The following NAPG variants were observed in gnomAD, a reference collection of about 807,000 sequenced individuals.
NAPG encodes the protein NSF attachment protein gamma.
NAPG carries 25 observed loss-of-function variants against 48.4 expected under a neutral mutation model. That is an observed-to-expected ratio of 0.52 (90% CI 0.38 to 0.72). NAPG has a LOEUF of 0.72. NAPG is among the 30% of genes least tolerant of loss of function. NAPG has a pLI of 0.00. For synonymous variants in NAPG, 139 were observed against 127.2 expected (o/e 1.09, Z -0.62); for missense variants, 359 against 372.5 (o/e 0.96, Z 0.30).
intron 2 of NAPG, among the ~76,000 whole-genome samples, chr18:10,531,387 G>A (rs1164762576): frequency 6.6e-6 from 1 of 152,028 alleles, no homozygotes; most frequent in African/African-American, 2.4e-5. Flanking sequence ...GCAACAGAAA[G>A]GGAATTTACT....
intron 5 of NAPG, among the ~76,000 whole-genome samples, chr18:10,535,804 G>T (rs1165827804): frequency 6.6e-6 from 1 of 152,178 alleles, no homozygotes; most frequent in Non-Finnish European, 1.5e-5. Flanking sequence ...AAATTATGAT[G>T]CTTCCTTATT....
At chr18:10,529,771 A>G (rs552596492) in intron 1 of NAPG, among the ~76,000 whole-genome samples, 96 of 152,242 alleles carry the variant, frequency 6.3e-4, no homozygotes, top group African/African-American at 2.3e-3. Flanking sequence ...AAAAGAAGCT[A>G]TGACTTTGTG....
chr18:10,526,238 G>C, intron 1 of NAPG, 80 bp downstream of exon 1: 1 of 858,066 alleles, frequency 1.2e-6, no homozygotes, highest in Non-Finnish European at 1.9e-6. Context: ...CCCGGGGGGG[G>C]CGGGAGGGAG....
chr18:10,536,974 T>TTTTTA (rs1208705887), intron 5 of NAPG, among the ~76,000 whole-genome samples: 1 of 151,724 alleles, frequency 6.6e-6, no homozygotes, highest in South Asian at 2.1e-4. Context: ...TTTTTTTTTT[T>TTTTTA]GAGACAGGAT....
intron 1 of NAPG, among the ~76,000 whole-genome samples, chr18:10,529,425 C>G (rs1376444064): frequency 1.3e-5 from 2 of 152,120 alleles, no homozygotes; most frequent in East Asian, 3.8e-4. Context: ...GTTTTAGATG[C>G]TAAATATGTT....
At chr18:10,547,177 T>C (rs2032286503) in intron 9 of NAPG, among the ~76,000 whole-genome samples, 1 of 152,242 alleles carries the variant, frequency 6.6e-6, no homozygotes, top group South Asian at 2.1e-4. Flanking sequence ...GAAGGGCTTA[T>C]GCATGGAACA....
At chr18:10,535,952 G>C (rs2032023257) in intron 5 of NAPG, among the ~76,000 whole-genome samples, 1 of 152,146 alleles carries the variant, frequency 6.6e-6, no homozygotes, top group South Asian at 2.1e-4. Context: ...AAAGAAGCTG[G>C]GGATCTGCTC....
rs962631440 is a variant in NAPG at position 10,544,892 on chromosome 18, T to C, written c.507-1434T>C. ...GAGTGTCATTTTATAAGGCACTAAG[T>C]TGCCAGCGTGCATCCCATAAAGATT... is the stretch of plus-strand genomic sequence containing the variant. On this transcript the variant is annotated intron_variant, in intron 8 of 11. Transcript: ENST00000322897. This position sits in a 1 kb window ranked among gnomAD's most constrained non-coding sequence, Gnocchi z 5.1. Among the ~76,000 whole-genome samples, 1 of 152,220 alleles carries C rather than the reference T, an allele frequency of 6.6e-6. No homozygotes were observed. The highest frequency in any genetic ancestry group is 1.5e-5 in the Non-Finnish European group (1 of 68,036).
chr18:10,543,458 A>C lies in NAPG; in HGVS notation c.507-2868A>C, dbSNP rs1488967465. Among the ~76,000 whole-genome samples, 2 of 152,240 alleles carry C rather than the reference A, an allele frequency of 1.3e-5. No individual in the cohort carries two copies. Among genetic ancestry groups the C allele is most frequent in the East Asian group, 3.9e-4 (2 of 5,192 alleles). On this transcript the variant is annotated intron_variant, in intron 8 of 11. Coordinates refer to ENST00000322897, the MANE Select transcript of NAPG (RefSeq NM_003826.3). The surrounding 1 kb of genome is among the most constrained non-coding windows in gnomAD (Gnocchi z 4.4). ...GCCATCAATAACTGAGATAAGGAAT[A>C]TAGAAACAAACTTATCAGTGATGAT...
Position 10,552,581 on chromosome 18 carries a change from A to G in NAPG, c.*2361A>G, listed in dbSNP as rs955615138. ...ACATTGTAAGTGAAGTCCAGCTACA[A>G]AATAGATTTAATATATTGAATTTAT... On this transcript the variant is annotated 3_prime_UTR_variant, in exon 12 of 12. Transcript: ENST00000322897. 59 of 152,360 alleles carry G rather than the reference A, an allele frequency of 3.9e-4. No individual in the cohort carries two copies. The highest frequency in any genetic ancestry group is 1.4e-3 in the African/African-American group (59 of 41,586). 9.4% of individuals were successfully genotyped at this position (152,360 alleles called of 1,614,324 possible). A position where few individuals can be genotyped will look rare whatever the true frequency, so the allele number is the denominator to read the frequency against.
chr18:10,545,557 G>A (rs1163371640), intron 8 of NAPG, among the ~76,000 whole-genome samples: 1 of 152,104 alleles, frequency 6.6e-6, no homozygotes, highest in East Asian at 1.9e-4. Context: ...TCAGTCTCAA[G>A]TTGTACTACT....
chr18:10,540,159 C>T, intron 7 of NAPG, 105 bp downstream of exon 7: 1 of 1,094,666 alleles, frequency 9.1e-7, no homozygotes. Flanking sequence ...CTTTTCCCTG[C>T]TCACAGTTGC....
At chr18:10,529,544 A>G (rs917521038) in intron 1 of NAPG, among the ~76,000 whole-genome samples, 11 of 152,304 alleles carry the variant, frequency 7.2e-5, no homozygotes, top group African/African-American at 2.6e-4. Context: ...ACTTGAGGCC[A>G]GGAGTTCGAG....
Position 10,548,509 on chromosome 18 carries a change from A to G in NAPG, c.665+131A>G. ...TAAATCTTAGGAGTGCTCATCTACCATTTCATCTTTTACAGTGGGTGTTTT... is the reference window on the plus strand; with the variant it reads ...TAAATCTTAGGAGTGCTCATCTACCGTTTCATCTTTTACAGTGGGTGTTTT... On this transcript the variant is annotated intron_variant, in intron 10 of 11. Coordinates refer to ENST00000322897, the MANE Select transcript of NAPG (RefSeq NM_003826.3). The surrounding 1 kb of genome is among the most constrained non-coding windows in gnomAD (Gnocchi z 4.4). 3 of 674,922 alleles carry G rather than the reference A, an allele frequency of 4.4e-6. No individual in the cohort carries two copies. The highest frequency in any genetic ancestry group is 7.3e-6 in the Non-Finnish European group (3 of 413,470). The allele number at this position is 674,922 out of a possible 1,614,324, so 41.8% of individuals were successfully genotyped here.
rs546198741 is a variant in NAPG at position 10,543,213 on chromosome 18, G to T, written c.506+2814G>T. Among the ~76,000 whole-genome samples, 7 of 152,080 alleles carry T rather than the reference G, an allele frequency of 4.6e-5. No homozygotes were observed. The highest frequency in any genetic ancestry group is 2.1e-4 in the South Asian group (1 of 4,810). ...TCATGACCTTGTGCCTCTGAGAGAA[G>T]GTCTATGCCTCTGAGACAAGGTGTG... On this transcript the variant is annotated intron_variant, in intron 8 of 11. Transcript: ENST00000322897. The surrounding 1 kb of genome is among the most constrained non-coding windows in gnomAD (Gnocchi z 4.4).
intron 5 of NAPG, among the ~76,000 whole-genome samples, chr18:10,536,816 A>G (rs1002225411): frequency 2.2e-4 from 33 of 152,080 alleles, no homozygotes; most frequent in Non-Finnish European, 4.4e-5. Context: ...TTCACATTAT[A>G]TATGTAATTA....
At position 10,539,168 on chromosome 18, in the gene NAPG, A is replaced by G. The variant is rs1264278686; in HGVS notation, c.259-594A>G. On this transcript the variant is annotated intron_variant, in intron 5 of 11. Transcript: ENST00000322897. This position sits in a 1 kb window ranked among gnomAD's most constrained non-coding sequence, Gnocchi z 4.7. ...TTACTGGGCATATGCCCAAAGGAAC[A>G]TAAATCATTCTATAGAAACGTATGT... The G allele has an allele frequency of 3.3e-5, 5 of 152,350 alleles. No individual in the cohort carries two copies. The highest frequency in any genetic ancestry group is 1.2e-4 in the African/African-American group (5 of 41,460). 9.4% of individuals were successfully genotyped at this position (152,350 alleles called of 1,614,324 possible). A position where few individuals can be genotyped will look rare whatever the true frequency, so the allele number is the denominator to read the frequency against.
In NAPG at chr18:10,551,457, T is replaced by G. The variant is rs774439476; in HGVS notation, c.*1237T>G. 9 of 152,244 alleles carry G rather than the reference T, an allele frequency of 5.9e-5. No homozygotes were observed. The highest frequency in any genetic ancestry group is 1.0e-4 in the Non-Finnish European group (7 of 68,038). 9.4% of individuals were successfully genotyped at this position (152,244 alleles called of 1,614,324 possible). A position where few individuals can be genotyped will look rare whatever the true frequency, so the allele number is the denominator to read the frequency against. On this transcript the variant is annotated 3_prime_UTR_variant, in exon 12 of 12. Transcript: ENST00000322897. ...TATTTAAAACACCGCACTGCCAATA[T>G]ATTGATCCTTTATAGTTATTTCCTA...
rs540017741 is a variant in NAPG, at chr18:10,526,232, G to C, written c.56+74G>C. On this transcript the variant is annotated intron_variant, in intron 1 of 11. Coordinates refer to ENST00000322897, the MANE Select transcript of NAPG (RefSeq NM_003826.3). ...CTCACTGGCGCGGCCTTAGCACCCG[G>C]GGGGGGCGGGAGGGAGGGCTCAGGG... 1.4e-3 allele frequency: 1,298 copies of C among 939,680 alleles called. 18 individuals are homozygous for C. In the African/African-American group the frequency reaches 0.019, roughly 13 times the overall value. The allele number at this position is 939,680 out of a possible 1,614,324, so 58.2% of individuals were successfully genotyped here.
Sources: allele counts gnomAD v4.1 joint callset (sites outside exome capture counted in the v4.1 genomes callset), GRCh38; gene constraint gnomAD v4.1.1; non-coding constraint Gnocchi (gnomAD v3.1); transcripts MANE v1.5; gene names NCBI Gene and HGNC (gene_info 2026-07-23, HGNC 2026-07-21).